The following NR6A1 variants were observed in gnomAD, a reference collection of about 807,000 sequenced individuals.
NR6A1 encodes the protein retinoic acid receptor-related testis-associated receptor.
In NR6A1, 7 loss-of-function variants were observed where a neutral mutation model predicts 59.1. The ratio of observed to expected loss-of-function variants is 0.12; its 90% CI spans 0.07 to 0.22. The LOEUF is 0.22. Ranked by LOEUF, NR6A1 falls within the 10% of genes least tolerant of loss-of-function variation. NR6A1 has a pLI of 1.00. For synonymous variants in NR6A1, 243 were observed against 236.1 expected (o/e 1.03, Z -0.27); for missense variants, 468 against 611.6 (o/e 0.77, Z 2.48).
Position 124,725,090 on chromosome 9 carries a change from C to T in NR6A1, c.142+8218G>A, listed in dbSNP as rs568187408. Among the ~76,000 whole-genome samples, 16 of 152,288 alleles carry T rather than the reference C, an allele frequency of 1.1e-4. No homozygotes were observed. In the East Asian group the frequency reaches 1.2e-3, roughly 11 times the overall value. ...TGTTCTCTTGAGTTTTACAGCTACA[C>T]GGTAAACACGACGGCCGAGGAAAAA... is the stretch of plus-strand genomic sequence containing the variant. On this transcript the variant is annotated intron_variant, in intron 2 of 9. Transcript: ENST00000487099.
intron 7 of NR6A1, among the ~76,000 whole-genome samples, chr9:124,533,680 C>T (rs551028420): frequency 2.6e-5 from 4 of 151,656 alleles, no homozygotes; most frequent in South Asian, 4.2e-4. Flanking sequence ...GACGGAGTCT[C>T]GCTCTGTCGC....
At chr9:124,555,310 G>A (rs1268451162) in intron 2 of NR6A1, among the ~76,000 whole-genome samples, 2 of 152,132 alleles carry the variant, frequency 1.3e-5, no homozygotes, top group African/African-American at 4.8e-5. Context: ...GCAGGCACAC[G>A]ACAAAAAAGC....
chr9:124,695,674 G>A (rs188269527), intron 2 of NR6A1, among the ~76,000 whole-genome samples: 133 of 152,198 alleles, frequency 8.7e-4, no homozygotes, highest in Non-Finnish European at 1.3e-3. Flanking sequence ...CCGGCCCGAG[G>A]GGGTCTTTAT....
chr9:124,628,469 A>G (rs1367893884), intron 2 of NR6A1, among the ~76,000 whole-genome samples: 1 of 151,518 alleles, frequency 6.6e-6, no homozygotes, highest in African/African-American at 2.4e-5. Context: ...TCAGCCTCCC[A>G]AGTAGCTGGA....
intron 2 of NR6A1, among the ~76,000 whole-genome samples, chr9:124,642,206 C>T (rs1007481425): frequency 6.6e-6 from 1 of 150,562 alleles, no homozygotes; most frequent in Non-Finnish European, 1.5e-5. Context: ...CACACCACCA[C>T]GCCCAGCTAA....
At chr9:124,644,130 A>T (rs1588736843) in intron 2 of NR6A1, among the ~76,000 whole-genome samples, 1 of 151,780 alleles carries the variant, frequency 6.6e-6, no homozygotes, top group Non-Finnish European at 1.5e-5. Context: ...TGATCTCTTG[A>T]CCTCGTTGTG....
chr9:124,769,211 G>A (rs769834183), intron 1 of NR6A1, among the ~76,000 whole-genome samples: 1 of 149,982 alleles, frequency 6.7e-6, no homozygotes, highest in Non-Finnish European at 1.5e-5. Flanking sequence ...GACAGCCCAC[G>A]GAACGGCCAG....
intron 2 of NR6A1, among the ~76,000 whole-genome samples, chr9:124,677,799 T>C (rs576416912): frequency 6.6e-6 from 1 of 152,154 alleles, no homozygotes; most frequent in Non-Finnish European, 1.5e-5. Context: ...TTTACTTTCC[T>C]GTTTTCTTTA....
intron 1 of NR6A1, among the ~76,000 whole-genome samples, chr9:124,737,587 C>T (rs1001828648): frequency 1.3e-5 from 2 of 152,274 alleles, no homozygotes; most frequent in East Asian, 1.9e-4. Flanking sequence ...GAATCTTGGC[C>T]GGGCGCAGTG....
At chr9:124,685,078 C>T (rs1838289494) in intron 2 of NR6A1, among the ~76,000 whole-genome samples, 1 of 152,146 alleles carries the variant, frequency 6.6e-6, no homozygotes, top group Non-Finnish European at 1.5e-5. Flanking sequence ...GATTTCAATT[C>T]TGACCCTGCT....
intron 2 of NR6A1, among the ~76,000 whole-genome samples, chr9:124,558,453 A>C (rs1833987571): frequency 6.6e-6 from 1 of 152,004 alleles, no homozygotes; most frequent in African/African-American, 2.4e-5. Context: ...GTACAAAAGA[A>C]AGGCTCTCTC....
chr9:124,609,872 T>C (rs999260665), intron 2 of NR6A1, among the ~76,000 whole-genome samples: 2 of 152,202 alleles, frequency 1.3e-5, no homozygotes, highest in Non-Finnish European at 2.9e-5. Context: ...TTCATAGTAA[T>C]TGTGAATGGG....
chr9:124,619,037 A>C (rs1342432174), intron 2 of NR6A1, among the ~76,000 whole-genome samples: 1 of 152,176 alleles, frequency 6.6e-6, no homozygotes, highest in Non-Finnish European at 1.5e-5. Flanking sequence ...TAAGTAAGCA[A>C]AGTATTATAC....
intron 5 of NR6A1, among the ~76,000 whole-genome samples, chr9:124,539,501 G>C (rs1036772913): frequency 2.0e-5 from 3 of 152,222 alleles, no homozygotes; most frequent in African/African-American, 7.2e-5. Flanking sequence ...GGAAAGGAAA[G>C]CTTCCCTAAT....
intron 1 of NR6A1, among the ~76,000 whole-genome samples, chr9:124,765,718 G>A (rs554798948): frequency 6.6e-6 from 1 of 152,290 alleles, no homozygotes; most frequent in African/African-American, 2.4e-5. Flanking sequence ...GGTTACACTA[G>A]TAAAGTCTTA....
intron 2 of NR6A1, chr9:124,598,901 G>A: frequency 1.4e-6 from 1 of 704,284 alleles, no homozygotes; most frequent in Non-Finnish European, 2.7e-6. Context: ...GAAGCGGATG[G>A]CCAGCAGCTC....
chr9:124,629,157 CT>C (rs1189136946), intron 2 of NR6A1, among the ~76,000 whole-genome samples: 45 of 152,160 alleles, frequency 3.0e-4, no homozygotes, highest in Non-Finnish European at 5.7e-4. Context: ...AAAAGGGAAA[CT>C]TATCCTGCAT....
At chr9:124,543,008 A>G (rs1474857726) in intron 4 of NR6A1, among the ~76,000 whole-genome samples, 2 of 152,218 alleles carry the variant, frequency 1.3e-5, no homozygotes, top group African/African-American at 2.4e-5. Flanking sequence ...GGCTGGCCCA[A>G]CAAAGACTTT....
At chr9:124,732,146 G>A (rs185293997) in intron 2 of NR6A1, among the ~76,000 whole-genome samples, 4 of 152,272 alleles carry the variant, frequency 2.6e-5, no homozygotes, top group African/African-American at 7.2e-5. Context: ...GGGCAGAGGC[G>A]AATATGTGAG....
Sources: gnomAD v4.1 joint callset for allele counts (sites outside exome capture counted in the v4.1 genomes callset) on GRCh38, gnomAD v4.1.1 for gene constraint, MANE v1.5 for transcripts, NCBI Gene and HGNC (gene_info 2026-07-23, HGNC 2026-07-21) for gene names.